CUL2: variants seen among roughly 807,000 people sequenced by gnomAD.
The protein encoded by CUL2 is cullin-2.
In CUL2, 22 loss-of-function variants were observed where a neutral mutation model predicts 110.2. The observed-to-expected ratio is 0.20, with a 90% CI of 0.14 to 0.28. CUL2 has a LOEUF of 0.28. CUL2 is among the 10% of genes least tolerant of loss of function. The pLI, the probability that CUL2 is intolerant of heterozygous loss-of-function variation, is 1.00. For missense variants in CUL2, 631 were observed against 905.5 expected (o/e 0.70, Z 3.89); for synonymous variants, 279 against 293.2 (o/e 0.95, Z 0.49).
rs557651067 is a variant in CUL2 at position 35,045,695 on chromosome 10, T to C, written c.507-827A>G. Among the ~76,000 whole-genome samples the C allele has an allele frequency of 5.9e-5, 9 of 151,986 alleles. No individual in the cohort carries two copies. In the East Asian group the frequency reaches 1.7e-3, roughly 29 times the overall value. ...TTGCACCACTGCACTCCAGCCTGGGTGACAGAGCAAGACCCTGTCTCAAAA... is the reference window on the plus strand; with the variant it reads ...TTGCACCACTGCACTCCAGCCTGGGCGACAGAGCAAGACCCTGTCTCAAAA... On this transcript the variant is annotated intron_variant, in intron 6 of 20. Transcript: ENST00000374749.
At chr10:35,046,544 TA>T (rs2085946048) in intron 6 of CUL2, among the ~76,000 whole-genome samples, 1 of 152,168 alleles carries the variant, frequency 6.6e-6, no homozygotes, top group South Asian at 2.1e-4. Flanking sequence ...TGGTAAAGTT[TA>T]AAAAGCTAAC....
At chr10:35,084,085 T>G (rs1589049157) in intron 1 of CUL2, among the ~76,000 whole-genome samples, 2 of 152,228 alleles carry the variant, frequency 1.3e-5, no homozygotes, top group South Asian at 4.2e-4. Context: ...AAGACCAGCC[T>G]GGTCAACATG....
intron 1 of CUL2, among the ~76,000 whole-genome samples, chr10:35,108,467 AG>A (rs756265311): frequency 4.8e-4 from 72 of 150,132 alleles, no homozygotes; most frequent in Middle Eastern, 3.5e-3. Context: ...AAAAAAAAAA[AG>A]GAAAAAAAGA....
chr10:35,072,811 T>G (rs1188376994), intron 1 of CUL2, among the ~76,000 whole-genome samples: 1 of 152,228 alleles, frequency 6.6e-6, no homozygotes, highest in Non-Finnish European at 1.5e-5. Flanking sequence ...AACATTTTTC[T>G]GGCAAATGTT....
intron 8 of CUL2, among the ~76,000 whole-genome samples, chr10:35,043,236 C>A (rs4934704): frequency 6.6e-6 from 1 of 151,856 alleles, no homozygotes; most frequent in African/African-American, 2.4e-5. Flanking sequence ...GACAGCCAGA[C>A]AGAGCAAAGT....
At chr10:35,080,022 T>A (rs978491691) in intron 1 of CUL2, among the ~76,000 whole-genome samples, 28 of 152,188 alleles carry the variant, frequency 1.8e-4, no homozygotes, top group African/African-American at 6.0e-4. Flanking sequence ...AGTACAGAAT[T>A]TAATTATGAG....
upstream of CUL2, among the ~76,000 whole-genome samples, chr10:35,094,537 AGTAATTTTTAAGCGT>A (rs2087267987): frequency 6.6e-6 from 1 of 152,182 alleles, no homozygotes; most frequent in African/African-American, 2.4e-5. Context: ...ACCCAGCTAG[AGTAATTTTTAAGCGT>A]GTAAAGAAAC....
At chr10:35,043,105 G>C (rs1430569978) in intron 8 of CUL2, among the ~76,000 whole-genome samples, 1 of 152,082 alleles carries the variant, frequency 6.6e-6, no homozygotes, top group East Asian at 1.9e-4. Flanking sequence ...TGGTTTGAGA[G>C]AGTTTTTCAC....
chr10:35,044,437 G>A (rs1466778676), intron 8 of CUL2, 129 bp downstream of exon 8: 5 of 582,348 alleles, frequency 8.6e-6, no homozygotes, highest in Non-Finnish European at 1.2e-5. Context: ...CAGAGTTAAT[G>A]ATTAAATAGA....
At chr10:35,108,035 G>A (rs1469632893) in intron 1 of CUL2, among the ~76,000 whole-genome samples, 1 of 152,082 alleles carries the variant, frequency 6.6e-6, no homozygotes, top group African/African-American at 2.4e-5. Flanking sequence ...CAAGGGAAGA[G>A]TTTGTGAGGT....
At chr10:35,123,184 ACTTCATG>A (rs2087698846) in intron 1 of CUL2, among the ~76,000 whole-genome samples, 1 of 152,160 alleles carries the variant, frequency 6.6e-6, no homozygotes, top group South Asian at 2.1e-4. Context: ...AAAACAAAGG[ACTTCATG>A]CCAAACTTAG....
rs570779813 is a variant in CUL2 at position 35,114,211 on chromosome 10, C to T, written c.-51+12394G>A. Among the ~76,000 whole-genome samples the T allele has an allele frequency of 4.6e-5, 7 of 151,806 alleles. No homozygotes were observed. In the South Asian group the frequency reaches 1.0e-3, roughly 23 times the overall value. ...TGCTGGGATTACAAGTGTGAGCCACCGCACCTGGCCCCGTATTTTTTCTTT... is the reference window on the plus strand; with the variant it reads ...TGCTGGGATTACAAGTGTGAGCCACTGCACCTGGCCCCGTATTTTTTCTTT... On this transcript the variant is annotated intron_variant, in intron 1 of 5. Coordinates refer to the CUL2 transcript ENST00000685421.
chr10:35,034,018 C>T (rs1667959863), intron 10 of CUL2, among the ~76,000 whole-genome samples: 1 of 152,068 alleles, frequency 6.6e-6, no homozygotes, highest in Non-Finnish European at 1.5e-5. Flanking sequence ...GAACAGAGAC[C>T]CCTTGAACTC....
intron 14 of CUL2, among the ~76,000 whole-genome samples, chr10:35,030,271 G>A (rs996983373): frequency 4.6e-5 from 7 of 152,230 alleles, no homozygotes; most frequent in Admixed American, 1.3e-4. Flanking sequence ...CATCTACTGA[G>A]TGCTGAAGAA....
At position 35,011,971 on chromosome 10, in the gene CUL2, T is replaced by G. The variant is rs935258082; in HGVS notation, c.1990-7A>C. The G allele has an allele frequency of 1.3e-6, 2 of 1,545,278 alleles. No homozygotes were observed. The highest frequency in any genetic ancestry group is 1.8e-6 in the Non-Finnish European group (2 of 1,134,536). ...TTCTAGTCTGCTCCATTTCCTGTTT[T>G]ACAGAAGAAAAGAAAAAAGACCCAA... is the stretch of plus-strand genomic sequence containing the variant. On this transcript the variant is annotated splice_polypyrimidine_tract_variant and splice_region_variant and intron_variant, in intron 19 of 20. Coordinates refer to ENST00000374749, the MANE Select transcript of CUL2 (RefSeq NM_003591.4).
chr10:35,100,342 G>A (rs890836207), intron 2 of CUL2, among the ~76,000 whole-genome samples: 1 of 152,144 alleles, frequency 6.6e-6, no homozygotes, highest in East Asian at 1.9e-4. Context: ...TGCACTACAT[G>A]TAACAAGTTA....
chr10:35,075,411 C>G (rs57819230), intron 1 of CUL2, among the ~76,000 whole-genome samples: 4,126 of 152,252 alleles, frequency 0.027, 184 homozygotes, highest in African/African-American at 0.09. Context: ...TTTCTACCCC[C>G]CAAGCTGTCA....
intron 1 of CUL2, among the ~76,000 whole-genome samples, chr10:35,126,063 C>T (rs770143614): frequency 2.6e-5 from 4 of 152,112 alleles, no homozygotes; most frequent in Non-Finnish European, 5.9e-5. Flanking sequence ...CTCAGGTGAT[C>T]TGCCCATGTC....
intron 1 of CUL2, among the ~76,000 whole-genome samples, chr10:35,105,222 G>C (rs2087437779): frequency 6.6e-6 from 1 of 150,550 alleles, no homozygotes; most frequent in South Asian, 2.1e-4. Flanking sequence ...TCAGGAAATC[G>C]AGACCATCCT....
Sources: allele counts gnomAD v4.1 joint callset (sites outside exome capture counted in the v4.1 genomes callset), GRCh38; gene constraint gnomAD v4.1.1; transcripts MANE v1.5; gene names NCBI Gene and HGNC (gene_info 2026-07-23, HGNC 2026-07-21).